COL7A1: variants seen among roughly 807,000 people sequenced by gnomAD.
COL7A1 encodes collagen type VII alpha 1 chain, also known as collagen alpha-1(VII) chain.
Under a neutral mutation model 456.2 loss-of-function variants are expected in COL7A1, and 296 were observed. The ratio of observed to expected loss-of-function variants is 0.65; its 90% CI spans 0.59 to 0.71. COL7A1 has a LOEUF of 0.71. Among genes scored for constraint, COL7A1 ranks in the 30% least tolerant of loss-of-function variants. COL7A1 has a pLI of 0.00. For synonymous variants in COL7A1, 1,464 were observed against 1,525.9 expected, an observed-to-expected ratio of 0.96 and a Z score of 0.95; for missense variants, 3,441 against 4,017.2, an observed-to-expected ratio of 0.86 and a Z score of 3.88.
At position 48,574,756 on chromosome 3, in the gene COL7A1, C is replaced by T; in HGVS notation, c.6349-35G>A. The T allele has an allele frequency of 6.2e-7, 1 of 1,613,976 alleles. No individual in the cohort carries two copies. Among genetic ancestry groups the T allele is most frequent in the Non-Finnish European group, 8.5e-7 (1 of 1,180,010 alleles). ...TGAGATGTCAAGTCAGTCCCTAGTG[C>T]CATGGCAGAGGGTGGCCCCGAGCTG... On this transcript the variant is annotated intron_variant, in intron 77 of 118. Transcript: ENST00000681320. This position sits in a 1 kb window ranked among gnomAD's most constrained non-coding sequence, Gnocchi z 5.0.
chr3:48,584,936 C>G lies in COL7A1; in HGVS notation c.3985G>C (p.Gly1329Arg). The G allele has an allele frequency of 6.2e-7, 1 of 1,613,916 alleles. No individual in the cohort carries two copies. Among genetic ancestry groups the G allele is most frequent in the South Asian group, 1.1e-5 (1 of 91,086 alleles). Residue 1329 changes from glycine to arginine, a missense_variant, in exon 34 of 119, where the codon GGG (glycine) becomes CGG (arginine). Physicochemically the swap from Gly to Arg is moderately radical, Grantham distance 125 (BLOSUM62 -2). This residue lies in a region of COL7A1 where 2,084 missense variants were observed against 2,501.3 expected (regional missense o/e 0.83). Coordinates refer to ENST00000681320, the MANE Select transcript of COL7A1 (RefSeq NM_000094.4). ...GGGTCCCCACGAGGGCCAGGCAACC[C>G]TGGAGAGCCCTGCAAATGGAGGCCA... ...PGAPGLKGSP[G>R]LPGPRGDPGE...
rs147112274 is a variant in COL7A1, at chr3:48,583,045, C to T, written c.4486G>A (p.Glu1496Lys). Residue 1496 changes from glutamate (E) to lysine (K), a missense_variant, in exon 44 of 119, where the codon GAA (glutamate) becomes AAA (lysine). Coordinates refer to ENST00000681320, the MANE Select transcript of COL7A1 (RefSeq NM_000094.4). This position sits in a 1 kb window ranked among gnomAD's most constrained non-coding sequence, Gnocchi z 5.1. ...GPLGEAGEKG[E>K]RGPPGPAGSR... The stretch of plus-strand genomic sequence containing the variant: ...CCCGCTGGGCCTGGGGGTCCACGTT[C>T]GCCCTGATGGAAAAGAAGAGGTCAG... 5.6e-6 allele frequency: 9 copies of T among 1,613,972 alleles called. No individual in the cohort carries two copies. In the East Asian group the frequency reaches 6.7e-5, roughly 12 times the overall value.
In COL7A1 at chr3:48,581,482, C is replaced by A; in HGVS notation, c.4784G>T (p.Gly1595Val). 1 of 1,614,112 alleles carries A rather than the reference C, an allele frequency of 6.2e-7. No individual in the cohort carries two copies. The highest frequency in any genetic ancestry group is 8.5e-7 in the Non-Finnish European group (1 of 1,180,010). Reference sequence around the variant, plus strand: ...TGCTCTGCCAGTAAGGCCAATGGGACCCTGAAGGGGACAGAAGGGGGGCAG... The same window carrying A: ...TGCTCTGCCAGTAAGGCCAATGGGAACCTGAAGGGGACAGAAGGGGGGCAG... ...PGPKGDPGDR[G>V]PIGLTGRAGP... Residue 1595 changes from glycine (G) to valine (V), a missense_variant and splice_region_variant, in exon 51 of 119, where the codon GGT becomes GTT. Transcript: ENST00000681320. The surrounding 1 kb of genome is among the most constrained non-coding windows in gnomAD (Gnocchi z 5.8).
At position 48,574,480 on chromosome 3, in the gene COL7A1, G is replaced by A; in HGVS notation, c.6456+8C>T. ...TTGCACATGTGTGGCTGTTGGGCAA[G>A]GACTTACCGGGTTGCCGTCCTGACC... On this transcript the variant is annotated splice_region_variant and intron_variant, in intron 79 of 118. Coordinates refer to ENST00000681320, the MANE Select transcript of COL7A1 (RefSeq NM_000094.4). The surrounding 1 kb of genome is among the most constrained non-coding windows in gnomAD (Gnocchi z 5.0). 10 of 1,614,118 alleles carry A rather than the reference G, an allele frequency of 6.2e-6. No homozygotes were observed. The highest frequency in any genetic ancestry group is 8.5e-6 in the Non-Finnish European group (10 of 1,180,024).
Position 48,591,973 on chromosome 3 carries a change from G to A in COL7A1, c.1282C>T (p.Pro428Ser). ...TTCCAGGAAAGGAGGATGGATGTGG[G>A]GCCCAGGATGACCGGGCGCAGGGTC... ...EQTLRPVILG[P>S]TSILLSWNLV... is the part of the protein sequence containing the mutation. Residue 428 changes from proline to serine, a missense_variant, in exon 11 of 119, where the codon CCC (proline) becomes TCC (serine). Physicochemically the swap from Pro to Ser is moderately conservative, Grantham distance 74. This residue lies in a region of COL7A1 where 913 missense variants were observed against 1,088.2 expected (regional missense o/e 0.84). Transcript: ENST00000681320. This position sits in a 1 kb window ranked among gnomAD's most constrained non-coding sequence, Gnocchi z 7.0. The A allele has an allele frequency of 6.2e-7, 1 of 1,614,206 alleles. No homozygotes were observed. The highest frequency in any genetic ancestry group is 8.5e-7 in the Non-Finnish European group (1 of 1,180,034).
At chr3:48,582,257 G>A (rs1418148016) in intron 47 of COL7A1, 66 bp downstream of exon 47, 3 of 1,612,130 alleles carry the variant, frequency 1.9e-6, no homozygotes, top group Non-Finnish European at 2.5e-6. Context: ...CCCAGATAGT[G>A]TTCTATAGGA....
chr3:48,567,135 C>T lies in COL7A1; in HGVS notation c.8102G>A (p.Gly2701Glu). Residue 2701 changes from glycine to glutamate, a missense_variant, in exon 110 of 119, where the codon GGG (glycine) becomes GAG (glutamate). Transcript: ENST00000681320. The surrounding 1 kb of genome is among the most constrained non-coding windows in gnomAD (Gnocchi z 4.3). The part of the protein sequence containing the change: ...PGPKGDQGEK[G>E]ERGTPGIGGF... Reference sequence around the variant, plus strand: ...ACCATGGCTTCAACTCACCCGCTCCCCTTTCTCGCCCTGGTCACCCTTGGG... The same window carrying T: ...ACCATGGCTTCAACTCACCCGCTCCTCTTTCTCGCCCTGGTCACCCTTGGG... 1 of 1,614,074 alleles carries T rather than the reference C, an allele frequency of 6.2e-7. No individual in the cohort carries two copies. Among genetic ancestry groups the T allele is most frequent in the Non-Finnish European group, 8.5e-7 (1 of 1,179,972 alleles).
In COL7A1 at chr3:48,592,709, G is replaced by T; in HGVS notation, c.847-10C>A. On this transcript the variant is annotated splice_polypyrimidine_tract_variant and intron_variant, in intron 7 of 118. Transcript: ENST00000681320. The surrounding 1 kb of genome is among the most constrained non-coding windows in gnomAD (Gnocchi z 7.6). ...CAGCTGGGACGTTCACCTGCCCAGG[G>T]CAAGAGGTCACTTTATCTTGCCCAG... The T allele has an allele frequency of 6.2e-7, 1 of 1,613,536 alleles. No individual in the cohort carries two copies. Among genetic ancestry groups the T allele is most frequent in the South Asian group, 1.1e-5 (1 of 91,084 alleles).
Position 48,568,910 on chromosome 3 carries a change from T to C in COL7A1, c.7687-55A>G. The C allele has an allele frequency of 1.3e-6, 2 of 1,521,300 alleles. No individual in the cohort carries two copies. The highest frequency in any genetic ancestry group is 1.8e-6 in the Non-Finnish European group (2 of 1,119,624). 94.2% of individuals were successfully genotyped at this position (1,521,300 alleles called of 1,614,324 possible). A position where few individuals can be genotyped will look rare whatever the true frequency, so the allele number is the denominator to read the frequency against. On this transcript the variant is annotated intron_variant, in intron 103 of 118. Coordinates refer to ENST00000681320, the MANE Select transcript of COL7A1 (RefSeq NM_000094.4). The surrounding 1 kb of genome is among the most constrained non-coding windows in gnomAD (Gnocchi z 5.2). ...TCAGGACCAGATCAGGCTGGGGGCT[T>C]AGAATACAACGAGCCCGCCAGCTGG...
rs2044782128 is a variant in COL7A1 at position 48,581,833 on chromosome 3, C to A, written c.4669-74G>T. Reference sequence around the variant, plus strand: ...CCCTGACCCAGCAAGTCCTGTGACCCCCCAAGTCCCATAGATAGGCCCTAT... The same window carrying A: ...CCCTGACCCAGCAAGTCCTGTGACCACCCAAGTCCCATAGATAGGCCCTAT... On this transcript the variant is annotated intron_variant, in intron 48 of 118. Transcript: ENST00000681320. The surrounding 1 kb of genome is among the most constrained non-coding windows in gnomAD (Gnocchi z 5.8). 2 of 1,613,122 alleles carry A rather than the reference C, an allele frequency of 1.2e-6. No homozygotes were observed. Among genetic ancestry groups the A allele is most frequent in the Admixed American group, 3.3e-5 (2 of 60,004 alleles).
rs1356891571 is a variant in COL7A1, at chr3:48,569,973, G to C, written c.7486-58C>G. The C allele has an allele frequency of 2.5e-6, 4 of 1,610,628 alleles. No individual in the cohort carries two copies. In the African/African-American group the frequency reaches 5.3e-5, roughly 22 times the overall value. On this transcript the variant is annotated intron_variant, in intron 99 of 118. Coordinates refer to ENST00000681320, the MANE Select transcript of COL7A1 (RefSeq NM_000094.4). The surrounding 1 kb of genome is among the most constrained non-coding windows in gnomAD (Gnocchi z 4.9). Reference sequence around the variant, plus strand: ...AACCAGGGCAGTGGAGGACGGAGGAGGATCAGGGGGAGGAGGGAAACAGTG... The same window carrying C: ...AACCAGGGCAGTGGAGGACGGAGGACGATCAGGGGGAGGAGGGAAACAGTG...
At position 48,572,217 on chromosome 3, in the gene COL7A1, G is replaced by A. The variant is rs892386242; in HGVS notation, c.6979-46C>T. 2.5e-5 allele frequency: 41 copies of A among 1,613,746 alleles called. No individual in the cohort carries two copies. Among genetic ancestry groups the A allele is most frequent in the Non-Finnish European group, 3.3e-5 (39 of 1,179,822 alleles). ...GCAACACAGGCATCAGTCACAGAAA[G>A]ATGAGACTCCGGAGGGAGGCATGGG... On this transcript the variant is annotated intron_variant, in intron 90 of 118. Coordinates refer to ENST00000681320, the MANE Select transcript of COL7A1 (RefSeq NM_000094.4). The surrounding 1 kb of genome is among the most constrained non-coding windows in gnomAD (Gnocchi z 4.6).
chr3:48,573,400 T>C lies in COL7A1; in HGVS notation c.6619-52A>G. The C allele has an allele frequency of 6.2e-7, 1 of 1,613,976 alleles. No homozygotes were observed. The highest frequency in any genetic ancestry group is 1.3e-5 in the African/African-American group (1 of 75,022). ...GCAGAGCCCACGTGGCCAGGGCTCC[T>C]GGAGCTCATCCTCATTGCAGGAGAT... On this transcript the variant is annotated intron_variant, in intron 83 of 118. Transcript: ENST00000681320. This position sits in a 1 kb window ranked among gnomAD's most constrained non-coding sequence, Gnocchi z 5.5.
In COL7A1 at chr3:48,590,331, G is replaced by T. The variant is rs750903788; in HGVS notation, c.1932C>A (p.Pro644=). The change falls in exon 16 of 119, where the codon CCC becomes CCA. Residue 644 remains proline (P), a synonymous_variant. Transcript: ENST00000681320. The surrounding 1 kb of genome is among the most constrained non-coding windows in gnomAD (Gnocchi z 4.6). The part of the protein sequence containing the change: ...GSGPESSQTL[P]PDSTATDITG... Reference sequence around the variant, plus strand: ...TGATGTCTGTGGCAGTAGAGTCTGGGGGCAGTGTCTGGCTGGACTCCGGAC... The same window carrying T: ...TGATGTCTGTGGCAGTAGAGTCTGGTGGCAGTGTCTGGCTGGACTCCGGAC... The T allele has an allele frequency of 1.9e-6, 3 of 1,614,060 alleles. No homozygotes were observed. The Admixed American group carries it at 5.0e-5, about 27-fold the overall frequency.
chr3:48,570,770 C>A lies in COL7A1; in HGVS notation c.7273-60G>T. 3.9e-6 allele frequency: 6 copies of A among 1,556,518 alleles called. No homozygotes were observed. The highest frequency in any genetic ancestry group is 5.2e-6 in the Non-Finnish European group (6 of 1,150,016). On this transcript the variant is annotated intron_variant, in intron 95 of 118. Transcript: ENST00000681320. This position sits in a 1 kb window ranked among gnomAD's most constrained non-coding sequence, Gnocchi z 5.5. ...GACTTGGGAACCCTCCTACCCTCTG[C>A]CCCCTCAAGACTGGGAACCCCCAAG...
rs1404456974 is a variant in COL7A1, at chr3:48,573,658, C to T, written c.6573+32G>A. 1.2e-6 allele frequency: 2 copies of T among 1,612,742 alleles called. No homozygotes were observed. Among genetic ancestry groups the T allele is most frequent in the Admixed American group, 1.7e-5 (1 of 59,780 alleles). On this transcript the variant is annotated intron_variant, in intron 82 of 118. Transcript: ENST00000681320. The surrounding 1 kb of genome is among the most constrained non-coding windows in gnomAD (Gnocchi z 5.5). Reference sequence around the variant, plus strand: ...CAATGCCTATCCCAGCCCTTCCAGACCCTCACCAGGCAGTGTTCCCTGGTC... The same window carrying T: ...CAATGCCTATCCCAGCCCTTCCAGATCCTCACCAGGCAGTGTTCCCTGGTC...
In COL7A1 at chr3:48,580,720, A is replaced by T; in HGVS notation, c.4981-68T>A. 1.3e-6 allele frequency: 2 copies of T among 1,584,710 alleles called. No homozygotes were observed. The highest frequency in any genetic ancestry group is 1.7e-6 in the Non-Finnish European group (2 of 1,155,218). ...TGCAGGTGCCCCTATGACCCGCTAC[A>T]CTGCCCCAGGTTCCCCATTACTCCA... On this transcript the variant is annotated intron_variant, in intron 54 of 118. Transcript: ENST00000681320. The surrounding 1 kb of genome is among the most constrained non-coding windows in gnomAD (Gnocchi z 4.5).
chr3:48,567,467 C>G lies in COL7A1; in HGVS notation c.8046+107G>C. 2.6e-6 allele frequency: 4 copies of G among 1,514,676 alleles called. No individual in the cohort carries two copies. Among genetic ancestry groups the G allele is most frequent in the Non-Finnish European group, 2.7e-6 (3 of 1,091,650 alleles). 93.8% of individuals were successfully genotyped at this position (1,514,676 alleles called of 1,614,324 possible). A position where few individuals can be genotyped will look rare whatever the true frequency, so the allele number is the denominator to read the frequency against. On this transcript the variant is annotated intron_variant, in intron 109 of 118. Transcript: ENST00000681320. The surrounding 1 kb of genome is among the most constrained non-coding windows in gnomAD (Gnocchi z 4.3). ...CCAGCCCCACTTCAGCCCCCAAAGT[C>G]CCAACCCTCTACAGCCTTCCTTGTC...
At chr3:48,584,820 A>C (rs769188187) in intron 34 of COL7A1, 51 bp from the exon 35 acceptor site, 2 of 1,613,790 alleles carry the variant, frequency 1.2e-6, no homozygotes, top group South Asian at 2.2e-5. Context: ...GCGAATGTCA[A>C]CGTGGGCACT....
Sources: gnomAD v4.1 joint callset for allele counts on GRCh38, gnomAD v4.1.1 for gene constraint, gnomAD v4.1.1 regional missense constraint, Gnocchi (gnomAD v3.1) non-coding constraint, MANE v1.5 for transcripts, NCBI Gene and HGNC (gene_info 2026-07-23, HGNC 2026-07-21) for gene names.